Variants in PLEKHA7 observed in about 807,000 individuals in gnomAD.
PLEKHA7 encodes the protein pleckstrin homology domain-containing family A member 7.
A neutral mutation model predicts 170.0 loss-of-function variants in PLEKHA7; 104 were observed. The observed-to-expected ratio is 0.61, with a 90% confidence interval of 0.52 to 0.72. The LOEUF is 0.72. Among genes scored for constraint, PLEKHA7 ranks in the 30% least tolerant of loss-of-function variants. PLEKHA7 has a pLI of 0.00. For synonymous variants in PLEKHA7, 648 were observed against 660.8 expected, an observed-to-expected ratio of 0.98 and a Z score of 0.30; for missense variants, 1,615 against 1,671.7, an observed-to-expected ratio of 0.97 and a Z score of 0.59.
rs1360417005 is a variant in PLEKHA7, at chr11:16,937,749, CAG to C, written c.222-66569_222-66568del. Reference sequence around the variant, plus strand: ...TCAGCCTCCTGAGTAGCTGGGATTACAGGCATGCACCACCATGCCTGGCTAAT... The same window carrying C: ...TCAGCCTCCTGAGTAGCTGGGATTACGCATGCACCACCATGCCTGGCTAAT... On this transcript the variant is annotated intron_variant, in intron 3 of 26. Coordinates refer to ENST00000531066, the MANE Select transcript of PLEKHA7 (RefSeq NM_001329630.2). Among the ~76,000 whole-genome samples the C allele has an allele frequency of 3.3e-5, 5 of 152,100 alleles. No homozygotes were observed. The East Asian group carries it at 5.8e-4, about 18-fold the overall frequency.
At chr11:16,850,415 C>T (rs1224840319) in intron 8 of PLEKHA7, among the ~76,000 whole-genome samples, 1 of 152,240 alleles carries the variant, frequency 6.6e-6, no homozygotes, top group Non-Finnish European at 1.5e-5. Flanking sequence ...CTCCAACTGC[C>T]AGTAAAGTGG....
chr11:16,794,706 T>C lies in PLEKHA7; in HGVS notation c.2527A>G (p.Thr843Ala), dbSNP rs765954495. Residue 843 changes from threonine (T) to alanine (A), a missense_variant, in exon 19 of 27, where the codon ACG becomes GCG. By Grantham distance (58) the Thr-to-Ala change is moderately conservative. Transcript: ENST00000531066. ...VESVKNPERK[T>A]VPLFPHPPVP... ...GGCGGGTGAGGAAACAAAGGCACCG[T>C]TTTTCTCTCTAAGGGGCATAGAAGG... 7 of 1,613,558 alleles carry C rather than the reference T, an allele frequency of 4.3e-6. No individual in the cohort carries two copies. In the Admixed American group the frequency reaches 1.2e-4, roughly 27 times the overall value.
At position 16,777,584 on chromosome 11, in the gene PLEKHA7, G is replaced by A. The variant is rs921828852; in HGVS notation, c.*1414C>T. The A allele has an allele frequency of 6.6e-6, 1 of 152,066 alleles. No individual in the cohort carries two copies. Among genetic ancestry groups the A allele is most frequent in the African/African-American group, 2.4e-5 (1 of 41,400 alleles). The allele number at this position is 152,066 out of a possible 1,614,324, so 9.4% of individuals were successfully genotyped here. The stretch of plus-strand genomic sequence containing the variant: ...GTGGCTCCACCCAATGGAGGTTTTC[G>A]TTGTTGTTGTTTTTTCCATTTAAAC... On this transcript the variant is annotated 3_prime_UTR_variant, in exon 27 of 27. Coordinates refer to ENST00000531066, the MANE Select transcript of PLEKHA7 (RefSeq NM_001329630.2).
chr11:16,884,097 C>CAGACACAAGG, intron 3 of PLEKHA7, among the ~76,000 whole-genome samples: 1 of 152,184 alleles, frequency 6.6e-6, no homozygotes, highest in Admixed American at 6.5e-5. Context: ...CCTCCATATC[C>CAGACACAAGG]ATACACAAGG....
intron 3 of PLEKHA7, among the ~76,000 whole-genome samples, chr11:17,006,676 C>T (rs1166783642): frequency 6.6e-6 from 1 of 150,930 alleles, no homozygotes; most frequent in Admixed American, 6.6e-5. Flanking sequence ...ATAGGTTTGA[C>T]ATTCTACAAG....
intron 3 of PLEKHA7, among the ~76,000 whole-genome samples, chr11:16,894,632 T>C (rs957413185): frequency 3.3e-5 from 5 of 152,110 alleles, no homozygotes; most frequent in Non-Finnish European, 7.4e-5. Flanking sequence ...ATCTCCTAAA[T>C]AGTGCCCAAA....
intron 21 of PLEKHA7, chr11:16,790,423 G>T: frequency 4.6e-6 from 1 of 216,264 alleles, no homozygotes. Context: ...TTCCACCAAT[G>T]ACCAGCTAAT....
intron 8 of PLEKHA7, among the ~76,000 whole-genome samples, chr11:16,847,925 G>A (rs1457522579): frequency 1.3e-5 from 2 of 151,598 alleles, no homozygotes; most frequent in African/African-American, 4.8e-5. Flanking sequence ...AATACAACCT[G>A]AACAAGGGTG....
chr11:16,961,733 G>C lies in PLEKHA7; in HGVS notation c.221+52256C>G, dbSNP rs569110185. ...GCAGACCCATGGCATCTTCCAGAGA[G>C]GGGGTGAGAAGGCCATGGACTTTTG... On this transcript the variant is annotated intron_variant, in intron 3 of 26. Transcript: ENST00000531066. Among the ~76,000 whole-genome samples, 7 of 152,348 alleles carry C rather than the reference G, an allele frequency of 4.6e-5. No individual in the cohort carries two copies. The East Asian group carries it at 7.7e-4, about 17-fold the overall frequency.
chr11:16,937,096 A>G lies in PLEKHA7; in HGVS notation c.222-65914T>C, dbSNP rs559545023. Among the ~76,000 whole-genome samples the G allele has an allele frequency of 5.9e-5, 9 of 152,342 alleles. No individual in the cohort carries two copies. In the East Asian group the frequency reaches 1.7e-3, roughly 29 times the overall value. On this transcript the variant is annotated intron_variant, in intron 3 of 26. Coordinates refer to ENST00000531066, the MANE Select transcript of PLEKHA7 (RefSeq NM_001329630.2). ...TAACCTGGAGTCGTTGTTATTAACA[A>G]TCTCCAAATTGTTAATAACCGTGGA...
chr11:16,997,329 A>G (rs1409216324), intron 3 of PLEKHA7, among the ~76,000 whole-genome samples: 1 of 152,182 alleles, frequency 6.6e-6, no homozygotes, highest in African/African-American at 2.4e-5. Flanking sequence ...TCAGGAAAGC[A>G]TTAGAGTGAG....
At position 16,841,686 on chromosome 11, in the gene PLEKHA7, T is replaced by G. The variant is rs1266678964; in HGVS notation, c.733A>C (p.Ser245Arg). 6.2e-7 allele frequency: 1 copy of G among 1,614,032 alleles called. No homozygotes were observed. The highest frequency in any genetic ancestry group is 8.5e-7 in the Non-Finnish European group (1 of 1,180,044). Residue 245 changes from serine to arginine, a missense_variant, in exon 9 of 27, where the codon AGC (serine) becomes CGC (arginine). Ser to Arg is a moderately radical substitution (Grantham distance 110). Transcript: ENST00000531066. The part of the protein sequence containing the change: ...HTGMRALIYN[S>R]STAGSQAEQS... ...TCGGCCTGAGAGCCCGCTGTGGAGC[T>G]GTTATAGATGAGCGCTCGCATCCCC...
intron 13 of PLEKHA7, among the ~76,000 whole-genome samples, chr11:16,805,789 C>CAAAAA (rs11339921): frequency 4.6e-4 from 51 of 111,034 alleles, no homozygotes; most frequent in African/African-American, 1.5e-3. Flanking sequence ...GACTCCATGT[C>CAAAAA]AAAAAAAAAA....
chr11:16,859,709 G>A (rs1285577672), intron 4 of PLEKHA7, among the ~76,000 whole-genome samples: 3 of 152,210 alleles, frequency 2.0e-5, no homozygotes, highest in African/African-American at 4.8e-5. Flanking sequence ...CTCTGCTGAT[G>A]AGTCTCACCT....
chr11:16,975,261 C>A (rs914256537), intron 3 of PLEKHA7, among the ~76,000 whole-genome samples: 1 of 152,078 alleles, frequency 6.6e-6, no homozygotes, highest in Non-Finnish European at 1.5e-5. Context: ...ACTATACAAC[C>A]TTTTGAGACT....
chr11:16,901,456 C>G (rs762879552), intron 3 of PLEKHA7, among the ~76,000 whole-genome samples: 11 of 152,228 alleles, frequency 7.2e-5, no homozygotes, highest in Non-Finnish European at 1.5e-4. Flanking sequence ...AATTCCACCA[C>G]TAGCAACTCA....
chr11:16,939,224 C>T (rs115658896), intron 3 of PLEKHA7, among the ~76,000 whole-genome samples: 1,810 of 152,196 alleles, frequency 0.012, 31 homozygotes, highest in African/African-American at 0.04. Flanking sequence ...ACTAGGCTGG[C>T]CGACATGGTG....
chr11:16,972,573 G>C (rs1862789111), intron 3 of PLEKHA7, among the ~76,000 whole-genome samples: 1 of 151,966 alleles, frequency 6.6e-6, no homozygotes, highest in Non-Finnish European at 1.5e-5. Context: ...ACCATGCCTG[G>C]CTATTTTTTT....
At chr11:16,984,262 T>G (rs1283645210) in intron 3 of PLEKHA7, among the ~76,000 whole-genome samples, 1 of 152,002 alleles carries the variant, frequency 6.6e-6, no homozygotes, top group Admixed American at 6.6e-5. Flanking sequence ...TTTAGAATAT[T>G]ATCCTAAATA....
Sources: gnomAD v4.1 joint callset for allele counts (sites outside exome capture counted in the v4.1 genomes callset) on GRCh38, gnomAD v4.1.1 for gene constraint, MANE v1.5 for transcripts, NCBI Gene and HGNC (gene_info 2026-07-23, HGNC 2026-07-21) for gene names.